The following RALGAPA1 variants were observed in gnomAD, a reference collection of about 807,000 sequenced individuals.
RALGAPA1 encodes ral GTPase-activating protein subunit alpha-1.
In RALGAPA1, 52 loss-of-function variants were observed where a neutral mutation model predicts 269.6. The observed-to-expected ratio is 0.19, with a 90% confidence interval of 0.15 to 0.24. The LOEUF (loss-of-function observed/expected upper bound fraction) is 0.24. RALGAPA1 is among the 10% of genes least tolerant of loss of function. The pLI is 1.00. For synonymous variants in RALGAPA1, 817 were observed against 1,008.3 expected (o/e 0.81, Z 3.60); for missense variants, 1,917 against 3,013.9 (o/e 0.64, Z 8.52).
intron 16 of RALGAPA1, among the ~76,000 whole-genome samples, chr14:35,720,786 T>C (rs1165703480): frequency 1.3e-5 from 2 of 152,114 alleles, no homozygotes; most frequent in Non-Finnish European, 2.9e-5. Flanking sequence ...TAGCCTGGCA[T>C]GGTGGCAGGC....
intron 1 of RALGAPA1, among the ~76,000 whole-genome samples, chr14:35,784,524 T>C (rs567918947): frequency 6.6e-6 from 1 of 152,286 alleles, no homozygotes; most frequent in African/African-American, 2.4e-5. Context: ...CCTTTTTTGC[T>C]GATCTATTCC....
intron 1 of RALGAPA1, among the ~76,000 whole-genome samples, chr14:35,784,535 T>G (rs2075673459): frequency 6.6e-6 from 1 of 152,124 alleles, no homozygotes. Context: ...GATCTATTCC[T>G]TTTAGCTCAT....
At chr14:35,602,317 T>C (rs1342902170) in intron 36 of RALGAPA1, among the ~76,000 whole-genome samples, 2 of 152,190 alleles carry the variant, frequency 1.3e-5, no homozygotes, top group Non-Finnish European at 2.9e-5. Context: ...TTCATTTCCC[T>C]TGGGTATATA....
intron 13 of RALGAPA1, among the ~76,000 whole-genome samples, chr14:35,727,314 T>TATGC (rs2070039248): frequency 2.7e-5 from 1 of 37,528 alleles, no homozygotes; most frequent in Non-Finnish European, 7.9e-5. Context: ...TTATGGCATA[T>TATGC]ATATATATAT....
chr14:35,803,033 T>C (rs1223091333), intron 1 of RALGAPA1, among the ~76,000 whole-genome samples: 2 of 151,920 alleles, frequency 1.3e-5, no homozygotes, highest in African/African-American at 4.8e-5. Flanking sequence ...ACCTGGCATT[T>C]GGGAAAAAAA....
At chr14:35,764,105 TA>T (rs199512378) in intron 4 of RALGAPA1, among the ~76,000 whole-genome samples, 1 of 144,338 alleles carries the variant, frequency 6.9e-6, no homozygotes, top group African/African-American at 2.7e-5. Context: ...TTTTTTTTTT[TA>T]AAGAGATGGG....
At chr14:35,571,391 T>A (rs2026673) in intron 38 of RALGAPA1, among the ~76,000 whole-genome samples, 105,315 of 150,970 alleles carry the variant, frequency 0.7, 38,627 homozygotes, top group Non-Finnish European at 0.82. Flanking sequence ...TTTTTTTTTT[T>A]AATTCTTTAA....
Position 35,721,756 on chromosome 14 carries a change from C to T in RALGAPA1, c.2198G>A (p.Arg733Lys). 6.2e-7 allele frequency: 1 copy of T among 1,613,376 alleles called. No individual in the cohort carries two copies. Among genetic ancestry groups the T allele is most frequent in the Non-Finnish European group, 8.5e-7 (1 of 1,179,324 alleles). Reference sequence around the variant, plus strand: ...TGGAGAACCAGTGGTTGTTGCACTCCTCTGTCTCATTGGGGCTTGGCCAGG... The same window carrying T: ...TGGAGAACCAGTGGTTGTTGCACTCTTCTGTCTCATTGGGGCTTGGCCAGG... ...DQPGQAPMRQRSATTTGSPGT... is the reference protein window; with the variant it reads ...DQPGQAPMRQKSATTTGSPGT... The change falls in exon 16 of 42, where the codon AGG becomes AAG. Residue 733 changes from arginine (R) to lysine (K), a missense_variant. Arg to Lys is a conservative substitution (Grantham distance 26). This residue lies in a region of RALGAPA1 where 125 missense variants were observed against 155.7 expected (regional missense o/e 0.80). Transcript: ENST00000680220.
chr14:35,665,670 A>G (rs769719326), intron 26 of RALGAPA1, among the ~76,000 whole-genome samples: 1 of 152,188 alleles, frequency 6.6e-6, no homozygotes, highest in Non-Finnish European at 1.5e-5. Flanking sequence ...TTAAAGATAC[A>G]AGGCAGCAGT....
At chr14:35,789,508 C>T (rs1323392138) in intron 1 of RALGAPA1, among the ~76,000 whole-genome samples, 1 of 152,084 alleles carries the variant, frequency 6.6e-6, no homozygotes, top group Non-Finnish European at 1.5e-5. Flanking sequence ...AGGAGAATCA[C>T]TTGAACCTGG....
intron 9 of RALGAPA1, 100 bp from the exon 10 acceptor site, chr14:35,748,924 T>A: frequency 1.4e-6 from 2 of 1,405,334 alleles, no homozygotes; most frequent in South Asian, 1.7e-5. Flanking sequence ...ATCCAAAACA[T>A]TTCCCAAGTA....
intron 4 of RALGAPA1, among the ~76,000 whole-genome samples, chr14:35,763,996 C>A (rs2073941902): frequency 6.6e-6 from 1 of 151,758 alleles, no homozygotes; most frequent in African/African-American, 2.4e-5. Context: ...ATGTTGCTTT[C>A]ATTTGATATT....
At chr14:35,720,690 G>GTCCTC (rs2069324417) in intron 16 of RALGAPA1, among the ~76,000 whole-genome samples, 1 of 152,186 alleles carries the variant, frequency 6.6e-6, no homozygotes, top group Admixed American at 6.5e-5. Flanking sequence ...ACTTTGAGAG[G>GTCCTC]CCAAAGTGGG....
intron 22 of RALGAPA1, among the ~76,000 whole-genome samples, chr14:35,675,679 A>G (rs770291525): frequency 8.5e-5 from 13 of 152,194 alleles, no homozygotes; most frequent in Non-Finnish European, 1.5e-4. Context: ...GTTTTGCTAG[A>G]TATCATTATA....
rs2066249672 is a variant in RALGAPA1 at position 35,689,124 on chromosome 14, T to C, written c.3287A>G (p.His1096Arg). The C allele has an allele frequency of 3.2e-6, 4 of 1,235,290 alleles. No individual in the cohort carries two copies. The highest frequency in any genetic ancestry group is 4.0e-6 in the Non-Finnish European group (4 of 989,962). 76.5% of individuals were successfully genotyped at this position (1,235,290 alleles called of 1,614,324 possible). A position where few individuals can be genotyped will look rare whatever the true frequency, so the allele number is the denominator to read the frequency against. ...TGTTGCTTTCTTGGCACGCATAACA[T>C]GTGGGACAGTGATTTTTTCATTAAT... ...VQINEKITVP[H>R]VMRAKKATLK... The change falls in exon 18 of 42, where the codon CAT (histidine) becomes CGT (arginine). Residue 1096 changes from histidine to arginine, a missense_variant. His to Arg is a conservative substitution (Grantham distance 29). This residue lies in a region of RALGAPA1 where 615 missense variants were observed against 790.0 expected (regional missense o/e 0.78). Transcript: ENST00000680220.
intron 37 of RALGAPA1, among the ~76,000 whole-genome samples, chr14:35,577,965 T>C (rs2057690110): frequency 6.6e-6 from 1 of 152,220 alleles, no homozygotes; most frequent in Non-Finnish European, 1.5e-5. Context: ...CCTCTACTGC[T>C]GTCCTAGATC....
rs1467369917 is a variant in RALGAPA1, at chr14:35,539,317, C to G, written c.*397G>C. The G allele has an allele frequency of 1.6e-5, 7 of 428,818 alleles. No homozygotes were observed. The highest frequency in any genetic ancestry group is 2.5e-5 in the Non-Finnish European group (7 of 276,986). 26.6% of individuals were successfully genotyped at this position (428,818 alleles called of 1,614,324 possible). On this transcript the variant is annotated 3_prime_UTR_variant, in exon 42 of 42. Coordinates refer to ENST00000680220, the MANE Select transcript of RALGAPA1 (RefSeq NM_001346249.2). Reference sequence around the variant, plus strand: ...TGTAGAATAAAACTCCCCCTGCCCTCAAAATATGGCAGCTTGGATTGTGGG... The same window carrying G: ...TGTAGAATAAAACTCCCCCTGCCCTGAAAATATGGCAGCTTGGATTGTGGG...
chr14:35,706,868 T>A (rs938263505), intron 16 of RALGAPA1: 1 of 152,160 alleles, frequency 6.6e-6, no homozygotes, highest in Non-Finnish European at 1.5e-5. Flanking sequence ...TCTGTCAATA[T>A]CCACAAAATA....
At chr14:35,797,608 G>C (rs2076669099) in intron 1 of RALGAPA1, among the ~76,000 whole-genome samples, 1 of 151,928 alleles carries the variant, frequency 6.6e-6, no homozygotes, top group African/African-American at 2.4e-5. Flanking sequence ...CACTTTGAGA[G>C]GCCAAGGAGG....
Sources: gnomAD v4.1 joint callset for allele counts (sites outside exome capture counted in the v4.1 genomes callset) on GRCh38, gnomAD v4.1.1 for gene constraint, gnomAD v4.1.1 regional missense constraint, MANE v1.5 for transcripts, NCBI Gene and HGNC (gene_info 2026-07-23, HGNC 2026-07-21) for gene names.